NETO1: variants seen among roughly 807,000 people sequenced by gnomAD.
NETO1 encodes neuropilin and tolloid like 1, also known as neuropilin and tolloid-like protein 1.
A neutral mutation model predicts 61.3 loss-of-function variants in NETO1; 26 were observed. The ratio of observed to expected loss-of-function variants is 0.42; its 90% CI spans 0.31 to 0.59. NETO1 has a LOEUF of 0.59. Ranked by LOEUF, NETO1 falls within the 20% of genes least tolerant of loss-of-function variation. The pLI, the probability that NETO1 is intolerant of heterozygous loss-of-function variation, is 0.12. For missense variants in NETO1, 531 were observed against 662.8 expected (o/e 0.80, Z 2.18); for synonymous variants, 225 against 225.8 (o/e 1.00, Z 0.03).
At chr18:72,769,337 A>G (rs544512834) in intron 7 of NETO1, among the ~76,000 whole-genome samples, 7 of 152,324 alleles carry the variant, frequency 4.6e-5, no homozygotes, top group African/African-American at 1.4e-4. Context: ...ATGGTGGAGA[A>G]ATTCTATTAC....
Position 72,749,878 on chromosome 18 carries a change from T to C in NETO1, c.1541+184A>G, listed in dbSNP as rs541512123. ...CACACATACATATCGTGCACATGTA[T>C]GAGGTTTAGGAAGAATATGGATAGC... is the stretch of plus-strand genomic sequence containing the variant. On this transcript the variant is annotated intron_variant, in intron 9 of 10. Transcript: ENST00000327305. 4.6e-5 allele frequency among the ~76,000 whole-genome samples: 7 copies of C among 152,222 alleles called. No homozygotes were observed. In the East Asian group the frequency reaches 1.2e-3, roughly 25 times the overall value.
chr18:72,824,733 GC>G (rs1429797663), intron 4 of NETO1, among the ~76,000 whole-genome samples: 11 of 147,542 alleles, frequency 7.5e-5, no homozygotes, highest in African/African-American at 2.8e-4. Context: ...AACAAAAAAA[GC>G]CAGTCATGGT....
intron 4 of NETO1, chr18:72,834,044 ATAC>A: frequency 1.2e-6 from 1 of 848,022 alleles, no homozygotes; most frequent in South Asian, 5.4e-5. Flanking sequence ...TTTCATTTAG[ATAC>A]TCGTTTTATT....
chr18:72,822,447 C>T (rs889023348), intron 4 of NETO1, among the ~76,000 whole-genome samples: 4 of 152,206 alleles, frequency 2.6e-5, no homozygotes, highest in Admixed American at 1.3e-4. Flanking sequence ...CGTCCCGTCC[C>T]CCCGCAGGAC....
intron 4 of NETO1, among the ~76,000 whole-genome samples, chr18:72,843,056 T>C (rs2073982190): frequency 6.6e-6 from 1 of 152,176 alleles, no homozygotes. Flanking sequence ...GAAAATTTTA[T>C]GGGGAAATTT....
chr18:72,808,450 TGTGTGG>T (rs1364560256), intron 4 of NETO1, among the ~76,000 whole-genome samples: 115 of 151,328 alleles, frequency 7.6e-4, no homozygotes, highest in African/African-American at 2.7e-3. Context: ...TGTGTGTGTG[TGTGTGG>T]AGTGTGTGTG....
chr18:72,774,796 T>C (rs961806848), intron 7 of NETO1, among the ~76,000 whole-genome samples: 2 of 152,214 alleles, frequency 1.3e-5, no homozygotes, highest in Non-Finnish European at 2.9e-5. Flanking sequence ...TGTTTTGTCT[T>C]CTTTTTTGGA....
chr18:72,866,791 C>T, intron 1 of NETO1: 1 of 995,946 alleles, frequency 1.0e-6, no homozygotes, highest in Non-Finnish European at 1.2e-6. Context: ...GGGGTGGAAG[C>T]TGACCCTCGC....
intron 3 of NETO1, among the ~76,000 whole-genome samples, chr18:72,859,706 C>A: frequency 6.6e-6 from 1 of 152,108 alleles, no homozygotes; most frequent in Non-Finnish European, 1.5e-5. Flanking sequence ...GAGCTCAGAC[C>A]ACTTCAGACA....
At chr18:72,777,274 C>G (rs896037169) in intron 7 of NETO1, among the ~76,000 whole-genome samples, 2 of 151,912 alleles carry the variant, frequency 1.3e-5, no homozygotes, top group Non-Finnish European at 2.9e-5. Context: ...AAAAATTAGC[C>G]TGGTGTAGTG....
At chr18:72,808,551 ATCAAGAAGCAAAATATTTT>A (rs1435014998) in intron 4 of NETO1, among the ~76,000 whole-genome samples, 46 of 152,222 alleles carry the variant, frequency 3.0e-4, no homozygotes, top group African/African-American at 1.0e-3. Flanking sequence ...GTCAATGAAA[ATCAAGAAGCAAAATATTTT>A]ACAAGAAAAG....
At chr18:72,807,001 A>G (rs1418291700) in intron 4 of NETO1, among the ~76,000 whole-genome samples, 3 of 152,218 alleles carry the variant, frequency 2.0e-5, no homozygotes, top group Non-Finnish European at 4.4e-5. Context: ...AATCATTTGA[A>G]CAAACTTTAA....
At chr18:72,813,172 G>A (rs1568220210) in intron 4 of NETO1, among the ~76,000 whole-genome samples, 1 of 152,144 alleles carries the variant, frequency 6.6e-6, no homozygotes, top group South Asian at 2.1e-4. Context: ...GCAGAGTGAG[G>A]AGTGACAATG....
At chr18:72,753,815 G>T (rs140458777) in intron 8 of NETO1, among the ~76,000 whole-genome samples, 51 of 152,230 alleles carry the variant, frequency 3.4e-4, no homozygotes, top group Admixed American at 5.9e-4. Flanking sequence ...CAAGGTGGGA[G>T]CTAAAATGTT....
In NETO1 at chr18:72,758,385, T is replaced by TTGTGTGTGTGTGTGTG. The variant is rs71166416; in HGVS notation, c.869-2254_869-2239dup. The stretch of plus-strand genomic sequence containing the variant: ...TTTGTTTGTGGTGCTTTTTTTTTCT[T>TTGTGTGTGTGTGTGTG]TGTGTGTGTGTGTGTGTGTGTGTGT... On this transcript the variant is annotated intron_variant, in intron 7 of 10. Coordinates refer to ENST00000327305, the MANE Select transcript of NETO1 (RefSeq NM_138966.5). 1.5e-3 allele frequency among the ~76,000 whole-genome samples: 212 copies of TTGTGTGTGTGTGTGTG among 142,906 alleles called. 1 individual carries two copies. Among genetic ancestry groups the TTGTGTGTGTGTGTGTG allele is most frequent in the Middle Eastern group, 3.5e-3 (1 of 282 alleles). 93.8% of individuals were successfully genotyped at this position (142,906 alleles called of 152,430 possible). A position where few individuals can be genotyped will look rare whatever the true frequency, so the allele number is the denominator to read the frequency against.
intron 4 of NETO1, among the ~76,000 whole-genome samples, chr18:72,811,115 C>G (rs1250959585): frequency 6.6e-6 from 1 of 152,112 alleles, no homozygotes; most frequent in East Asian, 1.9e-4. Flanking sequence ...CACGGCCTTC[C>G]TCACCCTCAG....
chr18:72,764,567 T>C (rs1397498885), intron 7 of NETO1, among the ~76,000 whole-genome samples: 1 of 152,062 alleles, frequency 6.6e-6, no homozygotes, highest in African/African-American at 2.4e-5. Flanking sequence ...GCAATTTTCA[T>C]CAGACACAGA....
At chr18:72,777,210 G>A (rs1568191401) in intron 7 of NETO1, among the ~76,000 whole-genome samples, 1 of 151,050 alleles carries the variant, frequency 6.6e-6, no homozygotes, top group Non-Finnish European at 1.5e-5. Flanking sequence ...CTGAGGTCCA[G>A]AGTAAGCAAC....
chr18:72,796,601 C>T (rs907264306), intron 4 of NETO1, among the ~76,000 whole-genome samples: 8 of 151,876 alleles, frequency 5.3e-5, no homozygotes, highest in African/African-American at 1.7e-4. Flanking sequence ...CTCAGCCTCC[C>T]AAGTAGCTGG....
Sources: allele counts gnomAD v4.1 joint callset (sites outside exome capture counted in the v4.1 genomes callset), GRCh38; gene constraint gnomAD v4.1.1; transcripts MANE v1.5; gene names NCBI Gene and HGNC (gene_info 2026-07-23, HGNC 2026-07-21).